RUNX2: variants seen among roughly 807,000 people sequenced by gnomAD.
RUNX2 encodes the protein RUNX family transcription factor 2, also known as runt-related transcription factor 2.
In RUNX2, 10 loss-of-function variants were observed where a neutral mutation model predicts 51.7. The ratio of observed to expected loss-of-function variants is 0.19; its 90% confidence interval spans 0.12 to 0.33. RUNX2 has a LOEUF of 0.33. Ranked by LOEUF, RUNX2 falls within the 10% of genes least tolerant of loss-of-function variation. RUNX2 has a pLI of 1.00. For synonymous variants in RUNX2, 276 were observed against 273.6 expected, an observed-to-expected ratio of 1.01 and a Z score of -0.09; for missense variants, 562 against 691.3, an observed-to-expected ratio of 0.81 and a Z score of 2.10.
intron 2 of RUNX2, among the ~76,000 whole-genome samples, chr6:45,392,031 G>C (rs1797481800): frequency 6.6e-6 from 1 of 152,062 alleles, no homozygotes; most frequent in Non-Finnish European, 1.5e-5. Flanking sequence ...TATGTAGTCA[G>C]GCCTTTATAC....
chr6:45,487,271 C>T (rs1800311472), intron 5 of RUNX2, among the ~76,000 whole-genome samples: 2 of 152,056 alleles, frequency 1.3e-5, no homozygotes, highest in East Asian at 1.9e-4. Flanking sequence ...GAAAACAGCC[C>T]CAGGCCAGCA....
In RUNX2 at chr6:45,485,695, G is replaced by GTATATATATATATATA. The variant is rs1389655363; in HGVS notation, c.686-6245_686-6244insATATATATATATATAT. Among the ~76,000 whole-genome samples the GTATATATATATATATA allele has an allele frequency of 1.8e-3, 195 of 107,118 alleles. 1 individual carries two copies. The highest frequency in any genetic ancestry group is 9.8e-3 in the Middle Eastern group (2 of 204). 70.3% of individuals were successfully genotyped at this position (107,118 alleles called of 152,430 possible). ...TGTATGTGTGTGTGTGTGTGTGTGT[G>GTATATATATATATATA]TGTATATATATATATATATATACAC... On this transcript the variant is annotated intron_variant, in intron 5 of 8. Coordinates refer to ENST00000647337, the MANE Select transcript of RUNX2 (RefSeq NM_001024630.4).
At chr6:45,367,013 T>C (rs1795244953) in intron 2 of RUNX2, among the ~76,000 whole-genome samples, 3 of 152,166 alleles carry the variant, frequency 2.0e-5, no homozygotes, top group South Asian at 4.1e-4. Flanking sequence ...CAGGGTCACT[T>C]ACCAAGGGCT....
At chr6:45,459,119 T>G (rs1004347595) in intron 5 of RUNX2, among the ~76,000 whole-genome samples, 2 of 152,230 alleles carry the variant, frequency 1.3e-5, no homozygotes, top group Non-Finnish European at 2.9e-5. Context: ...TTACTCTTCT[T>G]TCAGTTGAAT....
intron 5 of RUNX2, among the ~76,000 whole-genome samples, chr6:45,447,482 G>A (rs1360122399): frequency 1.3e-5 from 2 of 152,056 alleles, no homozygotes; most frequent in Non-Finnish European, 1.5e-5. Flanking sequence ...AGTTATCATT[G>A]AATGTGTTTC....
At chr6:45,536,672 T>C (rs1358349327) in intron 7 of RUNX2, among the ~76,000 whole-genome samples, 1 of 152,240 alleles carries the variant, frequency 6.6e-6, no homozygotes, top group South Asian at 2.1e-4. Context: ...GCATCTCTCC[T>C]GGACCAGTGC....
intron 2 of RUNX2, among the ~76,000 whole-genome samples, chr6:45,410,969 T>C (rs1797937759): frequency 6.6e-6 from 1 of 152,158 alleles, no homozygotes. Flanking sequence ...CACTTTTCAG[T>C]CTACCCAATC....
intron 5 of RUNX2, among the ~76,000 whole-genome samples, chr6:45,450,077 A>G (rs1013347285): frequency 9.2e-5 from 14 of 152,226 alleles, no homozygotes; most frequent in Admixed American, 5.9e-4. Flanking sequence ...CAGGAAAATG[A>G]TGGAATGCTA....
intron 2 of RUNX2, among the ~76,000 whole-genome samples, chr6:45,368,572 C>T (rs929244250): frequency 6.6e-6 from 1 of 152,056 alleles, no homozygotes; most frequent in Non-Finnish European, 1.5e-5. Context: ...TACCATGAAA[C>T]ATCTTTAAGC....
intron 2 of RUNX2, among the ~76,000 whole-genome samples, chr6:45,404,838 CA>C (rs1395603251): frequency 1.3e-5 from 2 of 152,228 alleles, no homozygotes; most frequent in Non-Finnish European, 2.9e-5. Flanking sequence ...GTGATATAGC[CA>C]TACGGTCAGA....
chr6:45,366,937 TTAATA>T (rs1795235021), intron 2 of RUNX2, among the ~76,000 whole-genome samples: 1 of 152,188 alleles, frequency 6.6e-6, no homozygotes, highest in Admixed American at 6.6e-5. Context: ...ATTTATCTTC[TTAATA>T]TATCTTTCTA....
chr6:45,446,499 C>G (rs1007877341), intron 5 of RUNX2, among the ~76,000 whole-genome samples: 3 of 149,580 alleles, frequency 2.0e-5, no homozygotes, highest in African/African-American at 7.4e-5. Flanking sequence ...TTTTTTGTCT[C>G]TCTTTTTTTT....
chr6:45,375,328 T>C (rs549441725), intron 2 of RUNX2, among the ~76,000 whole-genome samples: 1 of 152,288 alleles, frequency 6.6e-6, no homozygotes, highest in African/African-American at 2.4e-5. Flanking sequence ...TCGAACATTT[T>C]GATAGTGAAA....
intron 5 of RUNX2, among the ~76,000 whole-genome samples, chr6:45,446,534 G>A (rs1167238812): frequency 1.0e-4 from 14 of 137,210 alleles, no homozygotes; most frequent in Non-Finnish European, 3.1e-5. Flanking sequence ...ATGACCTTTC[G>A]TTCTCAAGAA....
At chr6:45,429,139 G>A (rs186139364) in intron 3 of RUNX2, among the ~76,000 whole-genome samples, 1 of 152,238 alleles carries the variant, frequency 6.6e-6, no homozygotes, top group African/African-American at 2.4e-5. Flanking sequence ...GAAAACTGTG[G>A]TTCCTGGAGA....
intron 7 of RUNX2, 73 bp downstream of exon 7, chr6:45,512,480 C>A: frequency 6.7e-7 from 1 of 1,496,564 alleles, no homozygotes; most frequent in Non-Finnish European, 9.2e-7. Flanking sequence ...CTGAGCCTGT[C>A]TCATCCATGC....
At chr6:45,536,873 T>G (rs1356768451) in intron 7 of RUNX2, among the ~76,000 whole-genome samples, 2 of 152,190 alleles carry the variant, frequency 1.3e-5, no homozygotes, top group African/African-American at 4.8e-5. Context: ...TCAGTTATGG[T>G]TTTTTTACAG....
intron 7 of RUNX2, among the ~76,000 whole-genome samples, chr6:45,533,964 G>T (rs1411591975): frequency 7.0e-6 from 1 of 142,474 alleles, no homozygotes; most frequent in Non-Finnish European, 1.5e-5. Flanking sequence ...GCTCGATCTC[G>T]GCTCACTGCA....
chr6:45,507,394 C>T (rs1047218115), intron 6 of RUNX2, among the ~76,000 whole-genome samples: 1 of 152,126 alleles, frequency 6.6e-6, no homozygotes, highest in East Asian at 1.9e-4. Context: ...TCTGACTCAT[C>T]CAATTTGAGA....
Sources: gnomAD v4.1 joint callset for allele counts (sites outside exome capture counted in the v4.1 genomes callset) on GRCh38, gnomAD v4.1.1 for gene constraint, MANE v1.5 for transcripts, NCBI Gene and HGNC (gene_info 2026-07-23, HGNC 2026-07-21) for gene names.